The following ELAPOR2 variants were observed in gnomAD, a reference collection of about 807,000 sequenced individuals.
ELAPOR2 encodes endosome-lysosome associated apoptosis and autophagy regulator family member 2.
Under a neutral mutation model 120.7 loss-of-function variants are expected in ELAPOR2, and 89 were observed. The observed-to-expected ratio is 0.74, with a 90% confidence interval of 0.62 to 0.88. The LOEUF (loss-of-function observed/expected upper bound fraction) is 0.88. Ranked by LOEUF, ELAPOR2 falls within the 40% of genes least tolerant of loss-of-function variation. ELAPOR2 has a pLI of 0.00. For synonymous variants in ELAPOR2, 444 were observed against 444.9 expected (o/e 1.00, Z 0.03); for missense variants, 1,134 against 1,251.6 (o/e 0.91, Z 1.42).
chr7:86,944,511 A>C (rs1790924393), intron 4 of ELAPOR2, among the ~76,000 whole-genome samples: 1 of 152,138 alleles, frequency 6.6e-6, no homozygotes. Context: ...AAAACTTTTA[A>C]GTGAAAACTA....
chr7:86,944,791 C>T, intron 4 of ELAPOR2, 108 bp downstream of exon 4: 1 of 878,058 alleles, frequency 1.1e-6, no homozygotes, highest in Non-Finnish European at 1.7e-6. Context: ...AACACACACA[C>T]ACAAAAAAAA....
In ELAPOR2 at chr7:86,909,846, T is replaced by C. The variant is rs1261989404; in HGVS notation, c.2325A>G (p.Ser775=). 5.0e-6 allele frequency: 8 copies of C among 1,613,002 alleles called. No individual in the cohort carries two copies. The East Asian group carries it at 1.6e-4, about 31-fold the overall frequency. Residue 775 remains serine (S), a synonymous_variant, in exon 16 of 22, where the codon TCA becomes TCG. Coordinates refer to ENST00000450689, the MANE Select transcript of ELAPOR2 (RefSeq NM_001142749.3). ...SESKGFRAAL[S]SQSIILADTF... is the part of the protein sequence containing the mutation. ...TATCTGCCAGAATGATGGATTGTGA[T>C]GATAAGGCTGCTCGGAAACCCTTAC... is the stretch of plus-strand genomic sequence containing the variant.
chr7:86,892,652 A>G (rs1788220274), intron 20 of ELAPOR2, among the ~76,000 whole-genome samples: 1 of 152,060 alleles, frequency 6.6e-6, no homozygotes, highest in East Asian at 1.9e-4. Context: ...GCTATCATCT[A>G]CCTGAATAAC....
chr7:86,916,762 G>C (rs1014715812), intron 12 of ELAPOR2, among the ~76,000 whole-genome samples: 2 of 152,014 alleles, frequency 1.3e-5, no homozygotes, highest in East Asian at 3.9e-4. Context: ...GCCATAAAAA[G>C]CACCAAGGGA....
At chr7:87,011,881 T>C (rs1426750173) in intron 1 of ELAPOR2, among the ~76,000 whole-genome samples, 1 of 152,206 alleles carries the variant, frequency 6.6e-6, no homozygotes, top group Non-Finnish European at 1.5e-5. Flanking sequence ...AATAGAAATA[T>C]AAGCTATAAA....
At chr7:86,930,770 G>A (rs1446355925) in intron 8 of ELAPOR2, among the ~76,000 whole-genome samples, 1 of 151,752 alleles carries the variant, frequency 6.6e-6, no homozygotes, top group Non-Finnish European at 1.5e-5. Context: ...TCCAGTATTG[G>A]GCAGCTCTGT....
At chr7:87,027,097 G>T (rs1418249253) in intron 1 of ELAPOR2, among the ~76,000 whole-genome samples, 3 of 152,082 alleles carry the variant, frequency 2.0e-5, no homozygotes, top group Non-Finnish European at 4.4e-5. Flanking sequence ...ACTAGGCTGT[G>T]CTGCCATCTT....
At chr7:86,908,589 G>T (rs1315036428) in intron 16 of ELAPOR2, 46 bp from the exon 17 acceptor site, 2 of 837,164 alleles carry the variant, frequency 2.4e-6, no homozygotes, top group African/African-American at 1.8e-5. Flanking sequence ...TGGAAAATTA[G>T]TTTTATTTGG....
chr7:86,894,809 G>C (rs543886849), intron 19 of ELAPOR2, among the ~76,000 whole-genome samples: 1 of 152,128 alleles, frequency 6.6e-6, no homozygotes, highest in South Asian at 2.1e-4. Flanking sequence ...TTTTAAGACA[G>C]TCCCCTTAGT....
At chr7:87,049,368 G>A (rs1462182238) in intron 1 of ELAPOR2, among the ~76,000 whole-genome samples, 8 of 151,832 alleles carry the variant, frequency 5.3e-5, no homozygotes, top group African/African-American at 1.5e-4. Flanking sequence ...TGCAAGCTCC[G>A]CCTCCCGGGT....
At chr7:86,891,613 CA>C (rs1788162727) in intron 21 of ELAPOR2, 110 bp downstream of exon 21, 1 of 786,864 alleles carries the variant, frequency 1.3e-6, no homozygotes, top group Non-Finnish European at 2.0e-6. Flanking sequence ...GATAAATACC[CA>C]CTGAGATATA....
At chr7:87,000,024 C>T (rs1448014094) in intron 1 of ELAPOR2, among the ~76,000 whole-genome samples, 1 of 152,116 alleles carries the variant, frequency 6.6e-6, no homozygotes, top group African/African-American at 2.4e-5. Flanking sequence ...CCAGATTAAC[C>T]TCACAGAACA....
At chr7:86,989,408 C>T (rs578248891) in intron 1 of ELAPOR2, among the ~76,000 whole-genome samples, 19 of 152,298 alleles carry the variant, frequency 1.2e-4, no homozygotes, top group Non-Finnish European at 2.1e-4. Flanking sequence ...CTATAGACTG[C>T]TATTGCTTCT....
At chr7:86,923,358 T>C (rs1789912647) in intron 10 of ELAPOR2, among the ~76,000 whole-genome samples, 1 of 151,960 alleles carries the variant, frequency 6.6e-6, no homozygotes, top group African/African-American at 2.4e-5. Flanking sequence ...TCATTCCACA[T>C]TTTGGAATAT....
chr7:86,883,592 C>T (rs183225506), intron 21 of ELAPOR2, among the ~76,000 whole-genome samples: 17 of 152,212 alleles, frequency 1.1e-4, no homozygotes, highest in Middle Eastern at 3.4e-3. Context: ...TAACACGAGG[C>T]GAATGAATCT....
At chr7:86,910,783 TG>T (rs149618559) in intron 15 of ELAPOR2, among the ~76,000 whole-genome samples, 1 of 152,208 alleles carries the variant, frequency 6.6e-6, no homozygotes, top group Non-Finnish European at 1.5e-5. Context: ...ACTATTTCAT[TG>T]GTGTTAGATA....
At chr7:86,920,638 C>T (rs1562922907) in intron 10 of ELAPOR2, 1 of 152,102 alleles carries the variant, frequency 6.6e-6, no homozygotes, top group African/African-American at 2.4e-5. Flanking sequence ...AGGAAACAAA[C>T]ATTTCCCATG....
chr7:86,897,578 A>C lies in ELAPOR2; in HGVS notation c.2613T>G (p.Ser871Arg). ...CCGTACACAGAGGGCAAGCTTCAGC[A>C]CTCTCCCACAGGAAATAGAACGTAC... ...DGCTFYFLWE[S>R]AEACPLCTEH... Residue 871 changes from serine (S) to arginine (R), a missense_variant, in exon 19 of 22, where the codon AGT (serine) becomes AGG (arginine). Around this residue, in one of 3 missense-constraint regions of ELAPOR2, gnomAD observed 831 missense variants for 867.6 expected, o/e 0.96. Transcript: ENST00000450689. The C allele has an allele frequency of 6.2e-7, 1 of 1,613,196 alleles. No homozygotes were observed. Among genetic ancestry groups the C allele is most frequent in the Non-Finnish European group, 8.5e-7 (1 of 1,179,480 alleles).
chr7:86,886,667 T>G (rs1799705672), intron 21 of ELAPOR2, among the ~76,000 whole-genome samples: 2 of 152,126 alleles, frequency 1.3e-5, no homozygotes, highest in Non-Finnish European at 2.9e-5. Context: ...TGAATAAGCC[T>G]CACTTGTCAA....
Sources: allele counts gnomAD v4.1 joint callset (sites outside exome capture counted in the v4.1 genomes callset), GRCh38; gene constraint gnomAD v4.1.1; regional missense constraint gnomAD v4.1.1; transcripts MANE v1.5; gene names NCBI Gene and HGNC (gene_info 2026-07-23, HGNC 2026-07-21).